Variants in SPTLC1 observed in about 807,000 individuals in gnomAD.
SPTLC1 encodes the protein serine palmitoyltransferase long chain base subunit 1, also known as serine palmitoyltransferase 1.
SPTLC1 carries 55 observed loss-of-function variants against 68.9 expected under a neutral mutation model. That is an observed-to-expected ratio of 0.80 (90% CI 0.64 to 1.00). SPTLC1 has a LOEUF of 1.00. Ranked by LOEUF, SPTLC1 falls within the 50% of genes least tolerant of loss-of-function variation. SPTLC1 has a pLI of 0.00. For synonymous variants in SPTLC1, 197 were observed against 201.6 expected (o/e 0.98, Z 0.19); for missense variants, 449 against 573.1 (o/e 0.78, Z 2.21).
In SPTLC1 at chr9:92,045,525, A is replaced by G. The variant is rs1364996429; in HGVS notation, c.1136+474T>C. Among the ~76,000 whole-genome samples, 4 of 51,008 alleles carry G rather than the reference A, an allele frequency of 7.8e-5. No individual in the cohort carries two copies. The African/African-American group carries it at 9.3e-4, about 12-fold the overall frequency. The allele number at this position is 51,008 out of a possible 152,430, so 33.5% of individuals were successfully genotyped here. A position where few individuals can be genotyped will look rare whatever the true frequency, so the allele number is the denominator to read the frequency against. On this transcript the variant is annotated intron_variant, in intron 12 of 14. Coordinates refer to ENST00000262554, the MANE Select transcript of SPTLC1 (RefSeq NM_006415.4). ...AAAAAAAAAGTGACTCTTGTGTAGTAAAAAAAAAAAAAAAAAAAAAAAAAA... is the reference window on the plus strand; with the variant it reads ...AAAAAAAAAGTGACTCTTGTGTAGTGAAAAAAAAAAAAAAAAAAAAAAAAA...
At chr9:92,050,997 G>A (rs1418664932) in intron 8 of SPTLC1, 1 of 984,796 alleles carries the variant, frequency 1.0e-6, no homozygotes, top group Non-Finnish European at 1.2e-6. Flanking sequence ...ATCTACACTT[G>A]AGCTGTTCCT....
At chr9:92,047,103 A>G in intron 11 of SPTLC1, 69 bp downstream of exon 11, 2 of 1,303,510 alleles carry the variant, frequency 1.5e-6, no homozygotes, top group Non-Finnish European at 2.2e-6. Flanking sequence ...TTCTCCAGTA[A>G]GTAAATCAGT....
intron 3 of SPTLC1, among the ~76,000 whole-genome samples, chr9:92,085,573 G>A (rs1174915924): frequency 1.1e-3 from 161 of 149,804 alleles, no homozygotes; most frequent in African/African-American, 3.6e-3. Context: ...TCTTAATCCT[G>A]AGTTCTAGTT....
At chr9:92,046,084 T>C in intron 11 of SPTLC1, 31 bp from the exon 12 acceptor site, 1 of 1,587,066 alleles carries the variant, frequency 6.3e-7, no homozygotes, top group East Asian at 2.2e-5. Flanking sequence ...TGAGAGTCTA[T>C]TTGAAACTTA....
intron 1 of SPTLC1, among the ~76,000 whole-genome samples, chr9:92,114,560 A>AC (rs1836367404): frequency 6.6e-6 from 1 of 151,828 alleles, no homozygotes; most frequent in African/African-American, 2.4e-5. Flanking sequence ...ACATGCAGAA[A>AC]CCCCGTCTCT....
intron 3 of SPTLC1, among the ~76,000 whole-genome samples, chr9:92,087,960 CT>C (rs1355548826): frequency 6.6e-6 from 1 of 152,250 alleles, no homozygotes; most frequent in African/African-American, 2.4e-5. Context: ...GCGGGCGCCC[CT>C]CTCCCGGCCT....
chr9:92,074,766 A>G (rs973055960), intron 5 of SPTLC1, among the ~76,000 whole-genome samples: 3 of 152,040 alleles, frequency 2.0e-5, no homozygotes, highest in East Asian at 1.9e-4. Context: ...CGTTTCATCA[A>G]TCAGATTGTC....
chr9:92,047,222 AG>A lies in SPTLC1; in HGVS notation c.1030del (p.Leu344CysfsTer2). 1 of 1,614,120 alleles carries A rather than the reference AG, an allele frequency of 6.2e-7. No individual in the cohort carries two copies. The highest frequency in any genetic ancestry group is 1.1e-5 in the South Asian group (1 of 91,088). On this transcript the variant is annotated frameshift_variant, in exon 11 of 15. Transcript: ENST00000262554. LOFTEE classifies it high-confidence loss of function. ...GYCFSASLPP[L>X]LAAAAIEALN... ...GGCCTCAATTGCTGCAGCAGCTAAC[AG>A]GGGAGGTAACGAAGCTGAAAAGCAG...
intron 1 of SPTLC1, chr9:92,115,074 G>A (rs564590694): frequency 5.2e-6 from 3 of 581,380 alleles, no homozygotes; most frequent in South Asian, 4.0e-5. Context: ...GAGCTTCCAG[G>A]GGACCCGGAG....
At chr9:92,069,681 CTG>C (rs1283352979) in intron 5 of SPTLC1, among the ~76,000 whole-genome samples, 1 of 152,180 alleles carries the variant, frequency 6.6e-6, no homozygotes, top group Non-Finnish European at 1.5e-5. Context: ...TTACTGTTCT[CTG>C]AGCGCCATCA....
In SPTLC1 at chr9:92,101,275, C is replaced by T. The variant is rs1307115931; in HGVS notation, c.260+7465G>A. ...AAGACATAGATACCATTAAAGAAAA[C>T]AAACAGGCCAGGCGTGGTGGCTCAC... On this transcript the variant is annotated intron_variant, in intron 3 of 14. Coordinates refer to ENST00000262554, the MANE Select transcript of SPTLC1 (RefSeq NM_006415.4). 2.0e-5 allele frequency among the ~76,000 whole-genome samples: 3 copies of T among 151,732 alleles called. No homozygotes were observed. The East Asian group carries it at 5.8e-4, about 30-fold the overall frequency.
intron 3 of SPTLC1, among the ~76,000 whole-genome samples, chr9:92,101,022 A>AAC (rs1314449793): frequency 6.6e-6 from 1 of 152,110 alleles, no homozygotes; most frequent in African/African-American, 2.4e-5. Context: ...CATAAATATA[A>AAC]ACATAGGAGA....
chr9:92,054,368 G>C (rs1833810200), intron 8 of SPTLC1, among the ~76,000 whole-genome samples: 1 of 152,178 alleles, frequency 6.6e-6, no homozygotes, highest in Admixed American at 6.5e-5. Flanking sequence ...CTAATCTACA[G>C]GAATAGAAAG....
chr9:92,111,455 T>C (rs890584413), intron 2 of SPTLC1: 1 of 152,228 alleles, frequency 6.6e-6, no homozygotes, highest in Non-Finnish European at 1.5e-5. Flanking sequence ...GCATGTATTA[T>C]GGCTTTTATA....
At chr9:92,045,911 A>C in intron 12 of SPTLC1, 88 bp downstream of exon 12, 2 of 1,277,802 alleles carry the variant, frequency 1.6e-6, no homozygotes, top group Non-Finnish European at 1.1e-6. Context: ...GGTCAAACTG[A>C]CCCAAGCCTA....
intron 12 of SPTLC1, among the ~76,000 whole-genome samples, chr9:92,042,487 A>G (rs1465426196): frequency 1.3e-5 from 2 of 152,236 alleles, no homozygotes; most frequent in African/African-American, 2.4e-5. Flanking sequence ...AGTAGAAAAT[A>G]TAACAGAAAA....
At chr9:92,081,107 A>C in intron 3 of SPTLC1, 144 bp from the exon 4 acceptor site, 1 of 680,280 alleles carries the variant, frequency 1.5e-6, no homozygotes, top group Non-Finnish European at 2.7e-6. Context: ...TTTAAGAAGT[A>C]ATATTAGAGC....
chr9:92,073,131 G>A (rs908834876), intron 5 of SPTLC1, among the ~76,000 whole-genome samples: 2 of 152,122 alleles, frequency 1.3e-5, no homozygotes, highest in African/African-American at 4.8e-5. Context: ...TTGAGAGGTG[G>A]CAGGAGCCGA....
At chr9:92,115,249 C>T (rs1054811024) in intron 1 of SPTLC1, 65 bp downstream of exon 1, 54 of 1,534,456 alleles carry the variant, frequency 3.5e-5, no homozygotes, top group Non-Finnish European at 4.5e-5. Flanking sequence ...CACAAATCCA[C>T]ACGCGTCCTC....
Sources: gnomAD v4.1 joint callset for allele counts (sites outside exome capture counted in the v4.1 genomes callset) on GRCh38, gnomAD v4.1.1 for gene constraint, MANE v1.5 for transcripts, NCBI Gene and HGNC (gene_info 2026-07-23, HGNC 2026-07-21) for gene names.